The following PKD1L3 variants were observed in gnomAD, a reference collection of about 807,000 sequenced individuals.
PKD1L3 encodes polycystin-1-like protein 3.
PKD1L3 carries 239 observed loss-of-function variants against 184.1 expected under a neutral mutation model. The ratio of observed to expected loss-of-function variants is 1.30; its 90% confidence interval spans 1.17 to 1.45. The LOEUF is 1.45. PKD1L3 is among the 40% of genes most tolerant of loss of function. The pLI is 0.00. For missense variants in PKD1L3, 2,660 were observed against 2,067.2 expected (o/e 1.29, Z -5.56); for synonymous variants, 996 against 778.8 (o/e 1.28, Z -4.64).
intron 15 of PKD1L3, 118 bp from the exon 16 acceptor site, chr16:71,963,469 G>T: frequency 9.0e-7 from 1 of 1,104,974 alleles, no homozygotes; most frequent in Non-Finnish European, 1.2e-6. Context: ...TTCATTGCAA[G>T]GCAAGAACTA....
chr16:71,967,871 C>T, intron 14 of PKD1L3, 35 bp downstream of exon 14: 1 of 1,507,200 alleles, frequency 6.6e-7, no homozygotes, highest in Admixed American at 2.0e-5. Flanking sequence ...TGGCAGAAGA[C>T]ACAAGGCAAT....
intron 15 of PKD1L3, among the ~76,000 whole-genome samples, chr16:71,966,435 T>C (rs1337882823): frequency 6.6e-6 from 1 of 151,706 alleles, no homozygotes; most frequent in Non-Finnish European, 1.5e-5. Flanking sequence ...TTTTTTTTTT[T>C]TTCCTTCCCT....
At chr16:71,983,663 CTTTTTTTTTTT>C (rs1180950058) in intron 6 of PKD1L3, among the ~76,000 whole-genome samples, 5 of 100,308 alleles carry the variant, frequency 5.0e-5, no homozygotes, top group African/African-American at 1.9e-4. Flanking sequence ...GATTCTCTTT[CTTTTTTTTTTT>C]TTTTTTTTTT....
rs768195191 is a variant in PKD1L3 at position 71,933,925 on chromosome 16, TAGCCTGTC to T, written c.4806_4813del (p.Thr1603CysfsTer5). 44 of 1,551,156 alleles carry T rather than the reference TAGCCTGTC, an allele frequency of 2.8e-5. No individual in the cohort carries two copies. Among genetic ancestry groups the T allele is most frequent in the Admixed American group, 3.9e-5 (2 of 50,952 alleles). On this transcript the variant is annotated frameshift_variant, in exon 27 of 30. Coordinates refer to ENST00000620267, the MANE Select transcript of PKD1L3 (RefSeq NM_181536.2). LOFTEE classifies it high-confidence loss of function. ...AACGTGGGGGCTTACGGCAATGGCATAGCCTGTCAGCAGGATTAGGATGATCAGCAGAA... is the reference window on the plus strand; with the variant it reads ...AACGTGGGGGCTTACGGCAATGGCATAGCAGGATTAGGATGATCAGCAGAA...
intron 24 of PKD1L3, among the ~76,000 whole-genome samples, chr16:71,941,132 C>CCA (rs540205015): frequency 4.6e-4 from 70 of 152,058 alleles, no homozygotes; most frequent in Admixed American, 1.4e-3. Context: ...GACACCGCAC[C>CCA]CAGCCTGCCT....
chr16:71,946,889 A>G lies in PKD1L3; in HGVS notation c.3718+603T>C, dbSNP rs113488740. Among the ~76,000 whole-genome samples, 773 of 14,262 alleles carry G rather than the reference A, an allele frequency of 0.054. 143 individuals are homozygous for G. The East Asian group carries it at 0.58, about 11-fold the overall frequency. 9.4% of individuals were successfully genotyped at this position (14,262 alleles called of 152,430 possible). A position where few individuals can be genotyped will look rare whatever the true frequency, so the allele number is the denominator to read the frequency against. ...GAGAGGGAGAGAGAGAGGGAGAGAG[A>G]GAGGGAGAGAGGGAGGGGGAGAGAG... On this transcript the variant is annotated intron_variant, in intron 22 of 29. Coordinates refer to ENST00000620267, the MANE Select transcript of PKD1L3 (RefSeq NM_181536.2).
At chr16:71,979,207 G>C (rs1357811981) in intron 9 of PKD1L3, among the ~76,000 whole-genome samples, 28 of 152,138 alleles carry the variant, frequency 1.8e-4, no homozygotes, top group Admixed American at 1.7e-3. Context: ...ACTACGGGAG[G>C]CTCAGGTGGG....
chr16:71,946,109 C>T (rs2038594180), intron 22 of PKD1L3, among the ~76,000 whole-genome samples: 1 of 152,162 alleles, frequency 6.6e-6, no homozygotes, highest in African/African-American at 2.4e-5. Context: ...CAGGCATGCA[C>T]CACCACACCC....
chr16:71,969,222 C>A (rs961974753), intron 13 of PKD1L3, among the ~76,000 whole-genome samples: 1 of 152,200 alleles, frequency 6.6e-6, no homozygotes, highest in Non-Finnish European at 1.5e-5. Flanking sequence ...TGAGCCACTG[C>A]ACCCAGCCAA....
chr16:71,955,133 T>C (rs188702641), intron 16 of PKD1L3, among the ~76,000 whole-genome samples: 14 of 152,254 alleles, frequency 9.2e-5, no homozygotes, highest in East Asian at 1.9e-4. Context: ...ATTAATTTCA[T>C]TGAAAAATAG....
chr16:71,963,222 T>C lies in PKD1L3; in HGVS notation c.2595A>G (p.Arg865=). The C allele has an allele frequency of 2.6e-6, 4 of 1,550,002 alleles. No individual in the cohort carries two copies. The highest frequency in any genetic ancestry group is 3.5e-6 in the Non-Finnish European group (4 of 1,146,260). ...LDRVFIPVSK[R]ELFSFRHLFS... ...AACAGTACCTAAAGGAAAAGAGCTC[T>C]CTCTTTGAAACTGGGATGAAGACCC... The change falls in exon 16 of 30, where the codon AGA becomes AGG. Residue 865 remains arginine, a synonymous_variant. Transcript: ENST00000620267.
intron 17 of PKD1L3, 147 bp from the exon 18 acceptor site, chr16:71,953,240 G>GTTCCTAATAC: frequency 1.5e-6 from 1 of 681,546 alleles, no homozygotes; most frequent in South Asian, 2.5e-5. Flanking sequence ...ACCATGTTGT[G>GTTCCTAATAC]TTCCTAATAC....
intron 22 of PKD1L3, among the ~76,000 whole-genome samples, chr16:71,945,266 C>CTATATATATATATATA (rs60469321): frequency 1.6e-5 from 1 of 63,942 alleles, no homozygotes; most frequent in Non-Finnish European, 3.0e-5. Context: ...AATTTCTTAA[C>CTATATATATATATATA]TATATATATA....
At chr16:71,973,294 A>G (rs897434977) in intron 12 of PKD1L3, 30 bp downstream of exon 12, 136 of 1,546,290 alleles carry the variant, frequency 8.8e-5, no homozygotes, top group Non-Finnish European at 1.1e-4. Flanking sequence ...ATGGCAGAAG[A>G]GAGGCCCAAG....
At chr16:71,964,043 G>T (rs905694287) in intron 15 of PKD1L3, among the ~76,000 whole-genome samples, 3 of 152,022 alleles carry the variant, frequency 2.0e-5, no homozygotes, top group African/African-American at 7.3e-5. Flanking sequence ...ACTCTACTTA[G>T]TCTCATCTCC....
chr16:71,947,167 G>A (rs1251717320), intron 22 of PKD1L3, among the ~76,000 whole-genome samples: 4 of 152,110 alleles, frequency 2.6e-5, no homozygotes. Flanking sequence ...TGAGACAGGA[G>A]AATCGCTTGA....
intron 11 of PKD1L3, among the ~76,000 whole-genome samples, chr16:71,974,840 A>G (rs1340507790): frequency 6.6e-6 from 1 of 152,168 alleles, no homozygotes; most frequent in Non-Finnish European, 1.5e-5. Context: ...TTCCTGTGTG[A>G]GTGGTGCCCA....
At chr16:71,991,741 T>C (rs928998264) in intron 3 of PKD1L3, among the ~76,000 whole-genome samples, 1 of 152,228 alleles carries the variant, frequency 6.6e-6, no homozygotes, top group Non-Finnish European at 1.5e-5. Context: ...TCAAAAAAGA[T>C]GTGTATATGT....
chr16:71,944,155 G>C lies in PKD1L3; in HGVS notation c.3734C>G (p.Ser1245Ter). 6.5e-7 allele frequency: 1 copy of C among 1,549,690 alleles called. No individual in the cohort carries two copies. Among genetic ancestry groups the C allele is most frequent in the South Asian group, 1.2e-5 (1 of 83,682 alleles). ...ILALLAKCSSSVPGSRDKNNP... is the reference protein window; with the variant it reads ...ILALLAKCSS ...GTTCTTATCTCTTGAACCTGGTACTGACGAAGAACATTTTGCTGTCAAAAA... is the reference window on the plus strand; with the variant it reads ...GTTCTTATCTCTTGAACCTGGTACTCACGAAGAACATTTTGCTGTCAAAAA... Residue 1245 changes from serine (S) to a stop codon, truncating the protein, a stop_gained, in exon 23 of 30, where the codon TCA becomes TGA. Transcript: ENST00000620267. LOFTEE classifies it high-confidence loss of function.
Sources: gnomAD v4.1 joint callset for allele counts (sites outside exome capture counted in the v4.1 genomes callset) on GRCh38, gnomAD v4.1.1 for gene constraint, MANE v1.5 for transcripts, NCBI Gene and HGNC (gene_info 2026-07-23, HGNC 2026-07-21) for gene names.